ZNF804A: variants seen among roughly 807,000 people sequenced by gnomAD.
The protein encoded by ZNF804A is zinc finger protein 804A.
A neutral mutation model predicts 16.5 loss-of-function variants in ZNF804A; 2 were observed. The ratio of observed to expected loss-of-function variants is 0.12; its 90% CI spans 0.05 to 0.38. The LOEUF is 0.38. ZNF804A is among the 10% of genes least tolerant of loss of function. The probability of loss-of-function intolerance (pLI) is 0.99; values close to 1 mark genes in which losing one functional copy is unlikely to be tolerated. For missense variants in ZNF804A, 1,473 were observed against 1,390.7 expected (o/e 1.06, Z -0.94); for synonymous variants, 534 against 489.6 (o/e 1.09, Z -1.20).
At chr2:184,643,710 A>G (rs1443017451) in intron 1 of ZNF804A, among the ~76,000 whole-genome samples, 1 of 151,680 alleles carries the variant, frequency 6.6e-6, no homozygotes, top group Non-Finnish European at 1.5e-5. Flanking sequence ...CATGTAAATT[A>G]TAGGTAAACA....
chr2:184,889,678 TACAC>T, intron 2 of ZNF804A, among the ~76,000 whole-genome samples: 1 of 151,840 alleles, frequency 6.6e-6, no homozygotes, highest in Non-Finnish European at 1.5e-5. Flanking sequence ...CCCACACACA[TACAC>T]ACATTTGTGT....
intron 1 of ZNF804A, among the ~76,000 whole-genome samples, chr2:184,789,302 G>A (rs1694495954): frequency 6.6e-6 from 1 of 151,964 alleles, no homozygotes; most frequent in Non-Finnish European, 1.5e-5. Flanking sequence ...TTCTCTCTTG[G>A]TTGTGTTTTT....
intron 1 of ZNF804A, among the ~76,000 whole-genome samples, chr2:184,858,016 T>C (rs1055897144): frequency 1.3e-5 from 2 of 152,258 alleles, no homozygotes; most frequent in East Asian, 3.9e-4. Context: ...CTGGTTATTT[T>C]GTAGATCTTT....
intron 2 of ZNF804A, among the ~76,000 whole-genome samples, chr2:184,871,611 A>G (rs1695977841): frequency 1.3e-5 from 2 of 151,968 alleles, no homozygotes; most frequent in African/African-American, 4.8e-5. Context: ...ATATATATGT[A>G]TGAATGAAAA....
At chr2:184,700,783 A>G (rs749801251) in intron 1 of ZNF804A, among the ~76,000 whole-genome samples, 1 of 152,054 alleles carries the variant, frequency 6.6e-6, no homozygotes, top group African/African-American at 2.4e-5. Flanking sequence ...TTAGCAAAGA[A>G]CTTGTAAAAT....
intron 1 of ZNF804A, among the ~76,000 whole-genome samples, chr2:184,765,322 T>C (rs1694101822): frequency 6.6e-6 from 1 of 152,136 alleles, no homozygotes; most frequent in Non-Finnish European, 1.5e-5. Flanking sequence ...GCACCCCTCC[T>C]GTCGTCTTAT....
intron 1 of ZNF804A, among the ~76,000 whole-genome samples, chr2:184,802,872 T>A (rs1363232851): frequency 6.6e-6 from 1 of 152,200 alleles, no homozygotes; most frequent in Non-Finnish European, 1.5e-5. Context: ...ATCAAAAGGA[T>A]GAACTTTGTA....
chr2:184,870,076 T>C (rs867546102), intron 2 of ZNF804A, among the ~76,000 whole-genome samples: 1 of 152,058 alleles, frequency 6.6e-6, no homozygotes, highest in Admixed American at 6.6e-5. Flanking sequence ...CTTTCTTACA[T>C]GCCCTTATCT....
In ZNF804A at chr2:184,939,268, A is replaced by T; in HGVS notation, c.*242A>T. ...TCAATACAATATATGCTATATATTAAAATGATGTCTTAAGAGTATGTATAA... is the reference window on the plus strand; with the variant it reads ...TCAATACAATATATGCTATATATTATAATGATGTCTTAAGAGTATGTATAA... On this transcript the variant is annotated 3_prime_UTR_variant, in exon 4 of 4. Coordinates refer to ENST00000302277, the MANE Select transcript of ZNF804A (RefSeq NM_194250.2). The T allele has an allele frequency of 2.4e-6, 1 of 419,824 alleles. No homozygotes were observed. Among genetic ancestry groups the T allele is most frequent in the Non-Finnish European group, 4.2e-6 (1 of 235,742 alleles). 26.0% of individuals were successfully genotyped at this position (419,824 alleles called of 1,614,324 possible).
chr2:184,602,954 A>G (rs764702928), intron 1 of ZNF804A, among the ~76,000 whole-genome samples: 17 of 152,066 alleles, frequency 1.1e-4, no homozygotes, highest in Non-Finnish European at 1.9e-4. Context: ...TATTTTTCCA[A>G]TTGTCTACAG....
At chr2:184,682,484 T>G (rs1197624526) in intron 1 of ZNF804A, among the ~76,000 whole-genome samples, 1 of 152,188 alleles carries the variant, frequency 6.6e-6, no homozygotes, top group Admixed American at 6.5e-5. Flanking sequence ...TTGTGACTTT[T>G]TTTTGCTTGA....
At chr2:184,685,589 G>A (rs1206428889) in intron 1 of ZNF804A, among the ~76,000 whole-genome samples, 2 of 152,118 alleles carry the variant, frequency 1.3e-5, no homozygotes, top group Non-Finnish European at 2.9e-5. Flanking sequence ...GACTAAAAGT[G>A]GGTAGCTCCT....
chr2:184,715,654 A>G (rs1444248892), intron 1 of ZNF804A, among the ~76,000 whole-genome samples: 1 of 151,790 alleles, frequency 6.6e-6, no homozygotes, highest in East Asian at 1.9e-4. Flanking sequence ...ACTCGCCCCA[A>G]CCTCCCAAAG....
intron 1 of ZNF804A, among the ~76,000 whole-genome samples, chr2:184,627,871 C>T (rs969913654): frequency 2.0e-5 from 3 of 152,088 alleles, no homozygotes; most frequent in Admixed American, 6.5e-5. Flanking sequence ...ATATGGGTGC[C>T]TTGAATTTCA....
chr2:184,824,660 T>C (rs1695132273), intron 1 of ZNF804A, among the ~76,000 whole-genome samples: 1 of 152,170 alleles, frequency 6.6e-6, no homozygotes, highest in Admixed American at 6.6e-5. Flanking sequence ...CACTTTTTTA[T>C]TGTAATTCTG....
intron 1 of ZNF804A, among the ~76,000 whole-genome samples, chr2:184,802,369 A>G (rs539447173): frequency 6.6e-6 from 1 of 152,174 alleles, no homozygotes; most frequent in Non-Finnish European, 1.5e-5. Context: ...GTTTAAAAGC[A>G]CTTCAGAGTT....
At chr2:184,798,860 G>C (rs762528308) in intron 1 of ZNF804A, among the ~76,000 whole-genome samples, 1 of 152,050 alleles carries the variant, frequency 6.6e-6, no homozygotes, top group Non-Finnish European at 1.5e-5. Context: ...ATTTGAGTAG[G>C]CTATGTCAGA....
chr2:184,858,150 G>A (rs1311122308), intron 1 of ZNF804A, among the ~76,000 whole-genome samples: 2 of 151,628 alleles, frequency 1.3e-5, no homozygotes, highest in East Asian at 3.9e-4. Context: ...TTTGCTTTGT[G>A]GTTACTGTAA....
chr2:184,904,908 C>G (rs1255706874), intron 2 of ZNF804A, among the ~76,000 whole-genome samples: 5 of 151,972 alleles, frequency 3.3e-5, no homozygotes, highest in Non-Finnish European at 7.4e-5. Context: ...TCTATTTACC[C>G]ATTTATATGA....
Sources: allele counts gnomAD v4.1 joint callset (sites outside exome capture counted in the v4.1 genomes callset), GRCh38; gene constraint gnomAD v4.1.1; transcripts MANE v1.5; gene names NCBI Gene and HGNC (gene_info 2026-07-23, HGNC 2026-07-21).